IQUB: variants seen among roughly 807,000 people sequenced by gnomAD.
The protein encoded by IQUB is IQ motif and ubiquitin-like domain-containing protein.
In IQUB, 86 loss-of-function variants were observed where a neutral mutation model predicts 86.4. The observed-to-expected ratio is 1.00, with a 90% CI of 0.84 to 1.19. IQUB has a LOEUF of 1.19. IQUB is among the 50% of genes most tolerant of loss of function. The pLI, the probability that IQUB is intolerant of heterozygous loss-of-function variation, is 0.00. For missense variants in IQUB, 946 were observed against 916.9 expected (o/e 1.03, Z -0.41); for synonymous variants, 289 against 304.5 (o/e 0.95, Z 0.53).
intron 12 of IQUB, among the ~76,000 whole-genome samples, chr7:123,455,975 A>G (rs143323305): frequency 6.6e-6 from 1 of 152,180 alleles, no homozygotes; most frequent in East Asian, 1.9e-4. Flanking sequence ...TTAACTTCTT[A>G]AGAAAGCAAA....
Position 123,510,099 on chromosome 7 carries a change from C to T in IQUB, c.398-64G>A, listed in dbSNP as rs956904865. On this transcript the variant is annotated intron_variant, in intron 2 of 12. Transcript: ENST00000324698. ...ATAGCAAAGGTCAGCAAACTACAGTCCACAAACAGATACAGAATTATGTGT... is the reference window on the plus strand; with the variant it reads ...ATAGCAAAGGTCAGCAAACTACAGTTCACAAACAGATACAGAATTATGTGT... The T allele has an allele frequency of 5.0e-6, 5 of 1,009,526 alleles. No individual in the cohort carries two copies. In the African/African-American group the frequency reaches 8.2e-5, roughly 17 times the overall value. The allele number at this position is 1,009,526 out of a possible 1,614,324, so 62.5% of individuals were successfully genotyped here.
At chr7:123,511,747 T>G (rs992545506) in intron 2 of IQUB, among the ~76,000 whole-genome samples, 197 bp downstream of exon 2, 3 of 152,130 alleles carry the variant, frequency 2.0e-5, no homozygotes, top group African/African-American at 7.2e-5. Flanking sequence ...TGACGAAAAA[T>G]AGATACTGCA....
At chr7:123,479,214 A>T (rs970731716) in intron 8 of IQUB, among the ~76,000 whole-genome samples, 4 of 152,154 alleles carry the variant, frequency 2.6e-5, no homozygotes, top group Non-Finnish European at 5.9e-5. Context: ...ATTGGTCACT[A>T]TGGAAACAGA....
intron 6 of IQUB, among the ~76,000 whole-genome samples, chr7:123,500,858 C>T (rs1339897203): frequency 6.6e-6 from 1 of 151,878 alleles, no homozygotes; most frequent in Non-Finnish European, 1.5e-5. Flanking sequence ...ATTTACTCTT[C>T]TCATGTATTC....
rs1793486463 is a variant in IQUB, at chr7:123,452,783, G to T, written c.2336C>A (p.Thr779Lys). The change falls in exon 13 of 13, where the codon ACA (threonine) becomes AAA (lysine). Residue 779 changes from threonine (T) to lysine (K), a missense_variant. By Grantham distance (78) the Thr-to-Lys change is moderately conservative. Transcript: ENST00000324698. The stretch of plus-strand genomic sequence containing the variant: ...CTGGGATTCTATAATCTTAGGTGTT[G>T]TGTCTGAGTGATACTTCCATCTGAT... ...DEIRWKYHSD[T>K]TPKIIESQRP... 1.4e-5 allele frequency: 22 copies of T among 1,613,500 alleles called. No individual in the cohort carries two copies. Among genetic ancestry groups the T allele is most frequent in the Non-Finnish European group, 1.8e-5 (21 of 1,179,622 alleles).
chr7:123,487,713 A>G (rs1248466814), intron 7 of IQUB, among the ~76,000 whole-genome samples: 1 of 152,234 alleles, frequency 6.6e-6, no homozygotes, highest in Non-Finnish European at 1.5e-5. Context: ...AGAAATGCCA[A>G]TATGGCTACA....
intron 7 of IQUB, among the ~76,000 whole-genome samples, chr7:123,480,574 G>A (rs924592111): frequency 1.3e-5 from 2 of 152,016 alleles, no homozygotes; most frequent in South Asian, 4.1e-4. Flanking sequence ...TCTCTCAACT[G>A]ATGAGGTGTC....
chr7:123,487,495 CATT>C (rs1420300422), intron 7 of IQUB, among the ~76,000 whole-genome samples: 3 of 152,192 alleles, frequency 2.0e-5, no homozygotes, highest in East Asian at 1.9e-4. Flanking sequence ...TTAATCAAGA[CATT>C]ATTAGAGTAT....
chr7:123,467,964 C>A (rs759385966), intron 9 of IQUB, among the ~76,000 whole-genome samples: 2 of 152,184 alleles, frequency 1.3e-5, no homozygotes, highest in African/African-American at 2.4e-5. Context: ...AAGAGACCTG[C>A]GGGCAAGGCA....
rs1472582776 is a variant in IQUB, at chr7:123,469,287, T to G, written c.1508A>C (p.Lys503Thr). 1.7e-5 allele frequency: 28 copies of G among 1,609,796 alleles called. 1 individual carries two copies. In the Admixed American group the frequency reaches 4.5e-4, roughly 26 times the overall value. ...IRARELQNIY[K>T]CIMLKNISQD... ...GGAGATATTTTTCAGCATAATGCAC[T>G]TATAGATATTTTGCAGCTCTCTGGC... The change falls in exon 9 of 13, where the codon AAG becomes ACG. Residue 503 changes from lysine to threonine, a missense_variant. Lys to Thr is a moderately conservative substitution (Grantham distance 78, BLOSUM62 -1). Transcript: ENST00000324698.
At chr7:123,464,749 TA>T (rs1208231330) in intron 10 of IQUB, 83 bp downstream of exon 10, 4 of 876,658 alleles carry the variant, frequency 4.6e-6, no homozygotes, top group Non-Finnish European at 6.8e-6. Flanking sequence ...AGTAAAGTGT[TA>T]AAGCAAAATT....
chr7:123,491,811 G>A (rs1318634436), intron 7 of IQUB, among the ~76,000 whole-genome samples: 1 of 152,124 alleles, frequency 6.6e-6, no homozygotes, highest in African/African-American at 2.4e-5. Context: ...GAGCACAGAG[G>A]AGATTAGCAT....
At chr7:123,523,979 G>A (rs1335624246) in intron 1 of IQUB, among the ~76,000 whole-genome samples, 9 of 151,734 alleles carry the variant, frequency 5.9e-5, no homozygotes, top group South Asian at 2.1e-4. Context: ...CCCATTGCTC[G>A]TTTTTCTCAG....
chr7:123,482,080 G>A (rs921613483), intron 7 of IQUB, among the ~76,000 whole-genome samples: 1 of 151,908 alleles, frequency 6.6e-6, no homozygotes, highest in African/African-American at 2.4e-5. Flanking sequence ...AACTGGGGGG[G>A]AGAACCTCAA....
At chr7:123,527,635 G>A (rs1287924107) in intron 1 of IQUB, among the ~76,000 whole-genome samples, 1 of 152,228 alleles carries the variant, frequency 6.6e-6, no homozygotes, top group Non-Finnish European at 1.5e-5. Flanking sequence ...TCGGGGGTCA[G>A]GGGCCAGGGA....
chr7:123,511,894 T>G, intron 2 of IQUB, 50 bp downstream of exon 2: 1 of 1,379,470 alleles, frequency 7.2e-7, no homozygotes. Context: ...GAAAACGCAT[T>G]CATTCTTCAA....
Position 123,452,831 on chromosome 7 carries a change from A to G in IQUB, c.2288T>C (p.Leu763Pro). 1 of 1,613,618 alleles carries G rather than the reference A, an allele frequency of 6.2e-7. No homozygotes were observed. Among genetic ancestry groups the G allele is most frequent in the Non-Finnish European group, 8.5e-7 (1 of 1,179,634 alleles). ...SQVPVLASFI[L>P]DDGEIDEIRW... ...GATCTCATCAATTTCACCATCATCA[A>G]GTATAAATGAAGCCAGCACTGGAAC... The change falls in exon 13 of 13, where the codon CTT (leucine) becomes CCT (proline). Residue 763 changes from leucine to proline, a missense_variant. Physicochemically the swap from Leu to Pro is moderately conservative, Grantham distance 98 (BLOSUM62 -3). Coordinates refer to ENST00000324698, the MANE Select transcript of IQUB (RefSeq NM_178827.5).
At chr7:123,523,628 G>A (rs1409964372) in intron 1 of IQUB, among the ~76,000 whole-genome samples, 4 of 151,300 alleles carry the variant, frequency 2.6e-5, no homozygotes, top group East Asian at 1.9e-4. Context: ...AGTAGGTTGC[G>A]AAAATTTTCT....
chr7:123,502,526 A>G (rs1346169030), intron 6 of IQUB, 71 bp downstream of exon 6: 1 of 1,354,880 alleles, frequency 7.4e-7, no homozygotes, highest in Non-Finnish European at 1.0e-6. Context: ...GCTTGGAGAA[A>G]GAGACACACT....
Sources: gnomAD v4.1 joint callset for allele counts (sites outside exome capture counted in the v4.1 genomes callset) on GRCh38, gnomAD v4.1.1 for gene constraint, MANE v1.5 for transcripts, NCBI Gene and HGNC (gene_info 2026-07-23, HGNC 2026-07-21) for gene names.